SLC11A2: variants seen among roughly 807,000 people sequenced by gnomAD.
SLC11A2 encodes the protein solute carrier family 11 member 2, also known as natural resistance-associated macrophage protein 2.
A neutral mutation model predicts 68.0 loss-of-function variants in SLC11A2; 38 were observed. The ratio of observed to expected loss-of-function variants is 0.56; its 90% CI spans 0.43 to 0.73. The LOEUF (loss-of-function observed/expected upper bound fraction) is 0.73, where lower values mean the gene tolerates loss of function less well. SLC11A2 is among the 30% of genes least tolerant of loss of function. The pLI is 0.00. For missense variants in SLC11A2, 517 were observed against 690.5 expected (o/e 0.75, Z 2.82); for synonymous variants, 242 against 250.6 (o/e 0.97, Z 0.32).
chr12:51,009,637 AG>A (rs1332228922), intron 2 of SLC11A2, among the ~76,000 whole-genome samples: 2 of 152,234 alleles, frequency 1.3e-5, no homozygotes, highest in Non-Finnish European at 2.9e-5. Flanking sequence ...AGATTTAGGA[AG>A]GAATAGTCAA....
chr12:50,954,474 CTCTT>C, the SLC11A2 span: 1 of 159,168 alleles, frequency 6.3e-6, no homozygotes, highest in African/African-American at 2.4e-5. Flanking sequence ...ATGCATATGT[CTCTT>C]TGTCTTGTAA....
Position 50,988,401 on chromosome 12 carries a change from A to G in SLC11A2, c.1610T>C (p.Phe537Ser), listed in dbSNP as rs1343340960. Residue 537 changes from phenylalanine to serine, a missense_variant, in exon 16 of 16, where the codon TTC becomes TCC. By Grantham distance (155) the Phe-to-Ser change is radical. Coordinates refer to ENST00000262052, the MANE Select transcript of SLC11A2 (RefSeq NM_000617.3). ...GCTTACCGTATGCCCACAGTCCAGG[A>G]AGGACATGCCCAGTGCAATCAAACA... ...WQCLIALGMS[F>S]LDCGHTVSIS... 6.2e-7 allele frequency: 1 copy of G among 1,614,042 alleles called. No individual in the cohort carries two copies. The highest frequency in any genetic ancestry group is 2.2e-5 in the East Asian group (1 of 44,868).
Position 50,991,673 on chromosome 12 carries a change from C to T in SLC11A2, c.1348-1G>A, listed in dbSNP as rs1219833097. On this transcript the variant is annotated splice_acceptor_variant, in intron 13 of 15. Coordinates refer to ENST00000262052, the MANE Select transcript of SLC11A2 (RefSeq NM_000617.3). LOFTEE classifies it high-confidence loss of function. ...GGATGGGTATGAGAGCAAAGGGAAG[C>T]TGGAAAAGAAAGAAGATCAGATGGG... 1.2e-6 allele frequency: 2 copies of T among 1,613,100 alleles called. No individual in the cohort carries two copies. The highest frequency in any genetic ancestry group is 2.7e-5 in the African/African-American group (2 of 74,908).
chr12:50,970,628 T>TATTTCAAGTC, the SLC11A2 span: 1 of 633,488 alleles, frequency 1.6e-6, no homozygotes, highest in Non-Finnish European at 2.8e-6. Flanking sequence ...ATAGCCTTTG[T>TATTTCAAGTC]ATTTCAAGTC....
intron 5 of SLC11A2, among the ~76,000 whole-genome samples, chr12:51,001,271 C>T (rs887621233): frequency 6.6e-6 from 1 of 151,242 alleles, no homozygotes; most frequent in Non-Finnish European, 1.5e-5. Flanking sequence ...GAGTTTGAGA[C>T]CAGCCTGGGC....
intron 1 of SLC11A2, among the ~76,000 whole-genome samples, chr12:51,020,651 C>T (rs1301285082): frequency 6.6e-6 from 1 of 152,132 alleles, no homozygotes; most frequent in Non-Finnish European, 1.5e-5. Flanking sequence ...GCCTCTGTAA[C>T]CCTGGGTTCC....
chr12:50,972,379 A>C, the SLC11A2 span, among the ~76,000 whole-genome samples: 1 of 152,242 alleles, frequency 6.6e-6, no homozygotes, highest in African/African-American at 2.4e-5. Flanking sequence ...GTATCTATGC[A>C]TGAGAACCTA....
intron 6 of SLC11A2, chr12:50,999,630 C>G: frequency 1.7e-6 from 1 of 576,624 alleles, no homozygotes; most frequent in Non-Finnish European, 3.1e-6. Context: ...TACTATGTCA[C>G]TCTTAGGATA....
At chr12:51,025,842 G>A (rs1944346220) in intron 1 of SLC11A2, 1 of 987,788 alleles carries the variant, frequency 1.0e-6, no homozygotes, top group African/African-American at 1.7e-5. Flanking sequence ...AGGTTATAAT[G>A]AGTCTTTTGT....
intron 12 of SLC11A2, 66 bp downstream of exon 12, chr12:50,992,744 A>G (rs224567): frequency 0.18 from 179,204 of 1,013,830 alleles, 10,601 homozygotes; most frequent in East Asian, 0.43. Flanking sequence ...AAAAAAAAAA[A>G]AAGAAGAAGA....
the SLC11A2 span, among the ~76,000 whole-genome samples, chr12:50,973,156 C>T: frequency 1.3e-5 from 2 of 152,144 alleles, no homozygotes; most frequent in Admixed American, 1.3e-4. Flanking sequence ...GTTCTCCCAG[C>T]ACGGAGCTTG....
At chr12:50,954,161 C>A in the SLC11A2 span, 18 of 901,592 alleles carry the variant, frequency 2.0e-5, no homozygotes, top group Middle Eastern at 4.4e-4. Context: ...AGTGCCTTTG[C>A]GGATTGAAAT....
the SLC11A2 span, among the ~76,000 whole-genome samples, chr12:50,955,478 T>C: frequency 6.6e-6 from 1 of 152,218 alleles, no homozygotes; most frequent in Non-Finnish European, 1.5e-5. Flanking sequence ...CATGCCTGTT[T>C]CCTTGTGTTC....
At chr12:50,952,919 C>T in the SLC11A2 span, among the ~76,000 whole-genome samples, 2 of 152,102 alleles carry the variant, frequency 1.3e-5, no homozygotes, top group Admixed American at 1.3e-4. Flanking sequence ...TACTAAGACT[C>T]AACAGTCACA....
chr12:50,995,860 G>T (rs1941653568), intron 9 of SLC11A2, 73 bp from the exon 10 acceptor site: 1 of 1,458,958 alleles, frequency 6.9e-7, no homozygotes, highest in Non-Finnish European at 9.6e-7. Context: ...CAGGAGTTTG[G>T]AGTCAGCTGA....
the SLC11A2 span, among the ~76,000 whole-genome samples, chr12:50,971,146 C>T: frequency 6.6e-6 from 1 of 152,144 alleles, no homozygotes; most frequent in African/African-American, 2.4e-5. Context: ...TCCCAAAGTG[C>T]TGGGATTACA....
chr12:50,996,782 G>A (rs752995135), intron 9 of SLC11A2, 35 bp downstream of exon 9: 35 of 1,606,382 alleles, frequency 2.2e-5, no homozygotes, highest in Non-Finnish European at 2.9e-5. Context: ...CCCATGAACT[G>A]TCTAGGAGGT....
At chr12:51,025,217 A>G (rs1485354833) in intron 1 of SLC11A2, among the ~76,000 whole-genome samples, 1 of 152,208 alleles carries the variant, frequency 6.6e-6, no homozygotes, top group Non-Finnish European at 1.5e-5. Context: ...CTCTGAGCAA[A>G]GAATAAGTAA....
At chr12:51,016,220 G>A (rs778019138) in intron 1 of SLC11A2, among the ~76,000 whole-genome samples, 1 of 152,154 alleles carries the variant, frequency 6.6e-6, no homozygotes, top group African/African-American at 2.4e-5. Flanking sequence ...GGGCAACATA[G>A]AGAAACCCCA....
Sources: allele counts gnomAD v4.1 joint callset (sites outside exome capture counted in the v4.1 genomes callset), GRCh38; gene constraint gnomAD v4.1.1; transcripts MANE v1.5; gene names NCBI Gene and HGNC (gene_info 2026-07-23, HGNC 2026-07-21).